ITGAV: variants seen among roughly 807,000 people sequenced by gnomAD.
ITGAV encodes integrin alpha-V.
ITGAV carries 76 observed loss-of-function variants against 143.8 expected under a neutral mutation model. The ratio of observed to expected loss-of-function variants is 0.53; its 90% CI spans 0.44 to 0.64. ITGAV has a LOEUF of 0.64. Ranked by LOEUF, ITGAV falls within the 30% of genes least tolerant of loss-of-function variation. ITGAV has a pLI of 0.00. For missense variants in ITGAV, 1,193 were observed against 1,274.7 expected, an observed-to-expected ratio of 0.94 and a Z score of 0.98; for synonymous variants, 453 against 446.7, an observed-to-expected ratio of 1.01 and a Z score of -0.18.
intron 12 of ITGAV, among the ~76,000 whole-genome samples, chr2:186,642,526 C>CT (rs916639754): frequency 1.6e-5 from 2 of 127,478 alleles, no homozygotes; most frequent in African/African-American, 3.0e-5. Flanking sequence ...TTGTTTCTTT[C>CT]TTTTTTTTCT....
At chr2:186,651,738 A>G (rs1001621933) in intron 14 of ITGAV, among the ~76,000 whole-genome samples, 1 of 152,188 alleles carries the variant, frequency 6.6e-6, no homozygotes, top group Non-Finnish European at 1.5e-5. Flanking sequence ...CCATTGTCCC[A>G]CTTTGTCTGG....
chr2:186,596,727 T>A (rs1295889872), intron 1 of ITGAV, among the ~76,000 whole-genome samples: 1 of 152,174 alleles, frequency 6.6e-6, no homozygotes, highest in Non-Finnish European at 1.5e-5. Context: ...TTAATTTTTT[T>A]ATATAGCATC....
At chr2:186,632,746 T>C (rs1687847080) in intron 5 of ITGAV, among the ~76,000 whole-genome samples, 2 of 152,080 alleles carry the variant, frequency 1.3e-5, no homozygotes, top group Non-Finnish European at 2.9e-5. Flanking sequence ...TAGTCACAAA[T>C]TTAATATACA....
chr2:186,641,624 T>A, intron 12 of ITGAV, 36 bp downstream of exon 12: 1 of 1,565,726 alleles, frequency 6.4e-7, no homozygotes. Flanking sequence ...GGTCCCTGAT[T>A]ATCTGTGTCC....
At chr2:186,611,602 C>T (rs1687219308) in intron 2 of ITGAV, among the ~76,000 whole-genome samples, 1 of 152,032 alleles carries the variant, frequency 6.6e-6, no homozygotes, top group African/African-American at 2.4e-5. Flanking sequence ...GTTCTTTTTC[C>T]CTTGGCAGCT....
chr2:186,646,722 A>G lies in ITGAV; in HGVS notation c.1196A>G (p.Lys399Arg). Residue 399 changes from lysine (K) to arginine (R), a missense_variant, in exon 13 of 30, where the codon AAA (lysine) becomes AGA (arginine). By Grantham distance (26) the Lys-to-Arg change is conservative. Coordinates refer to ENST00000261023, the MANE Select transcript of ITGAV (RefSeq NM_002210.5). ...GCTGCTCCATATGGGGGTGAAGATA[A>G]AAAAGGAATTGTTTATATCTTCAAT... ...AIAAPYGGED[K>R]KGIVYIFNGR... 6.2e-7 allele frequency: 1 copy of G among 1,603,852 alleles called. No individual in the cohort carries two copies. The highest frequency in any genetic ancestry group is 8.5e-7 in the Non-Finnish European group (1 of 1,173,112).
chr2:186,642,573 CA>C (rs2105713203), intron 12 of ITGAV, among the ~76,000 whole-genome samples: 1 of 139,966 alleles, frequency 7.1e-6, no homozygotes, highest in South Asian at 2.3e-4. Context: ...CTCACTCTGT[CA>C]CCCAGGCTAG....
chr2:186,649,547 C>T, intron 13 of ITGAV, among the ~76,000 whole-genome samples: 1 of 152,002 alleles, frequency 6.6e-6, no homozygotes, highest in East Asian at 1.9e-4. Flanking sequence ...TTTCCTTTGG[C>T]AGTATGTATG....
chr2:186,617,321 A>C (rs951740459), intron 2 of ITGAV, among the ~76,000 whole-genome samples: 2 of 152,350 alleles, frequency 1.3e-5, no homozygotes, highest in Middle Eastern at 3.4e-3. Flanking sequence ...AGCACTGCCC[A>C]TAATTGTCCA....
At chr2:186,637,132 C>G (rs202176146) in intron 8 of ITGAV, 23 bp downstream of exon 8, 28 of 1,583,282 alleles carry the variant, frequency 1.8e-5, no homozygotes, top group Non-Finnish European at 2.1e-5. Context: ...TGAACTATAT[C>G]TAATCTTTAA....
chr2:186,678,929 C>A lies in ITGAV; in HGVS notation c.*1637C>A. On this transcript the variant is annotated 3_prime_UTR_variant, in exon 30 of 30. Coordinates refer to ENST00000261023, the MANE Select transcript of ITGAV (RefSeq NM_002210.5). ...ACTGAGCTAATCTTGAGAATATATT[C>A]GTAAAATAGGAGCACATTTAGTTGA... The A allele has an allele frequency of 2.8e-6, 1 of 353,078 alleles. No homozygotes were observed. Among genetic ancestry groups the A allele is most frequent in the Non-Finnish European group, 5.5e-6 (1 of 181,764 alleles). 21.9% of individuals were successfully genotyped at this position (353,078 alleles called of 1,614,324 possible).
chr2:186,593,179 C>G (rs1686660529), intron 1 of ITGAV, among the ~76,000 whole-genome samples: 1 of 152,178 alleles, frequency 6.6e-6, no homozygotes, highest in South Asian at 2.1e-4. Context: ...ACGTCCACTC[C>G]TGTTGCTTTT....
In ITGAV at chr2:186,621,580, C is replaced by T. The variant is rs375352132; in HGVS notation, c.317-759C>T. On this transcript the variant is annotated intron_variant, in intron 2 of 29. Transcript: ENST00000261023. ...TCAATCAAAGATCACATCTTGCATT[C>T]GGTCGACATGTCTTAGTGGTCTCTT... 7.9e-4 allele frequency among the ~76,000 whole-genome samples: 120 copies of T among 152,236 alleles called. 1 individual carries two copies. The highest frequency in any genetic ancestry group is 1.4e-3 in the East Asian group (7 of 5,184).
intron 1 of ITGAV, among the ~76,000 whole-genome samples, chr2:186,600,668 G>A (rs1241716566): frequency 2.0e-5 from 3 of 152,172 alleles, no homozygotes; most frequent in African/African-American, 7.2e-5. Context: ...TCCATTAAGA[G>A]CAGGAATCAG....
chr2:186,614,058 A>G (rs1359055369), intron 2 of ITGAV, among the ~76,000 whole-genome samples: 1 of 152,134 alleles, frequency 6.6e-6, no homozygotes, highest in East Asian at 1.9e-4. Context: ...AAGAGATGAA[A>G]ATGTAAACAA....
At chr2:186,606,274 C>T (rs1687062726) in intron 2 of ITGAV, among the ~76,000 whole-genome samples, 1 of 152,140 alleles carries the variant, frequency 6.6e-6, no homozygotes, top group Admixed American at 6.5e-5. Flanking sequence ...AGAAGCTGAG[C>T]AGATATGTGG....
At chr2:186,675,525 A>G (rs1689182668) in intron 26 of ITGAV, 79 bp from the exon 27 acceptor site, 2 of 1,034,570 alleles carry the variant, frequency 1.9e-6, no homozygotes, top group Admixed American at 1.9e-5. Context: ...ACACAAAAAG[A>G]AAAAAAATGG....
intron 4 of ITGAV, among the ~76,000 whole-genome samples, chr2:186,628,535 G>A (rs2105694342): frequency 6.6e-6 from 1 of 151,962 alleles, no homozygotes; most frequent in Non-Finnish European, 1.5e-5. Flanking sequence ...AAAATTACTT[G>A]GGGAAATTAA....
intron 2 of ITGAV, among the ~76,000 whole-genome samples, chr2:186,616,372 G>A (rs991283713): frequency 2.0e-5 from 3 of 147,902 alleles, no homozygotes; most frequent in Non-Finnish European, 3.0e-5. Flanking sequence ...TCCGCCTCCC[G>A]GGTTCACGCC....
Sources: allele counts gnomAD v4.1 joint callset (sites outside exome capture counted in the v4.1 genomes callset), GRCh38; gene constraint gnomAD v4.1.1; transcripts MANE v1.5; gene names NCBI Gene and HGNC (gene_info 2026-07-23, HGNC 2026-07-21).